ME3: variants seen among roughly 807,000 people sequenced by gnomAD.
ME3 encodes the protein malic enzyme 3.
A neutral mutation model predicts 68.9 loss-of-function variants in ME3; 48 were observed. The ratio of observed to expected loss-of-function variants is 0.70; its 90% CI spans 0.55 to 0.89. The LOEUF is 0.89. ME3 is among the 40% of genes least tolerant of loss of function. The pLI is 0.00. For synonymous variants in ME3, 320 were observed against 318.8 expected (o/e 1.00, Z -0.04); for missense variants, 675 against 797.4 (o/e 0.85, Z 1.85).
chr11:86,446,886 TG>T, intron 12 of ME3, 178 bp downstream of exon 12: 2 of 827,530 alleles, frequency 2.4e-6, no homozygotes, highest in African/African-American at 1.7e-5. Flanking sequence ...GAGTCAGACC[TG>T]GGTTTGACAG....
intron 2 of ME3, among the ~76,000 whole-genome samples, chr11:86,616,466 C>G (rs1001725314): frequency 6.6e-6 from 1 of 152,100 alleles, no homozygotes; most frequent in African/African-American, 2.4e-5. Context: ...CTTAAATGAA[C>G]TATTTTTTTT....
chr11:86,609,559 G>A (rs1174130196), intron 2 of ME3, among the ~76,000 whole-genome samples: 3 of 152,226 alleles, frequency 2.0e-5, no homozygotes. Context: ...TGAATCATAA[G>A]TGTGCATATA....
intron 2 of ME3, among the ~76,000 whole-genome samples, chr11:86,622,240 A>G (rs910895002): frequency 3.9e-5 from 6 of 152,164 alleles, no homozygotes; most frequent in Non-Finnish European, 8.8e-5. Context: ...AGTCACATGG[A>G]TAGGTTGTGC....
At chr11:86,581,126 A>C (rs1958419970) in intron 2 of ME3, among the ~76,000 whole-genome samples, 1 of 152,230 alleles carries the variant, frequency 6.6e-6, no homozygotes, top group African/African-American at 2.4e-5. Context: ...GGAGAAACCA[A>C]CATCTAAAAA....
At chr11:86,509,562 A>T (rs1355040980) in intron 4 of ME3, among the ~76,000 whole-genome samples, 2 of 152,224 alleles carry the variant, frequency 1.3e-5, no homozygotes, top group South Asian at 2.1e-4. Context: ...TCCAATCTGC[A>T]GGCAACTTGG....
At chr11:86,478,678 A>G (rs945377426) in intron 7 of ME3, among the ~76,000 whole-genome samples, 2 of 152,232 alleles carry the variant, frequency 1.3e-5, no homozygotes, top group Admixed American at 6.5e-5. Context: ...TTTTTGCAGA[A>G]TAATTCTTTA....
At chr11:86,506,651 G>A (rs1028830634) in intron 5 of ME3, among the ~76,000 whole-genome samples, 1 of 152,138 alleles carries the variant, frequency 6.6e-6, no homozygotes, top group African/African-American at 2.4e-5. Context: ...AGAACCTCCT[G>A]GCACAGTATC....
At chr11:86,448,351 G>T in intron 10 of ME3, 96 bp from the exon 11 acceptor site, 1 of 897,352 alleles carries the variant, frequency 1.1e-6, no homozygotes, top group Admixed American at 2.1e-5. Context: ...TTCCTGCTGA[G>T]CCCCATGCTT....
Position 86,652,776 on chromosome 11 carries a change from T to G in ME3, c.183+18986A>C, listed in dbSNP as rs141984015. On this transcript the variant is annotated intron_variant, in intron 2 of 14. Transcript: ENST00000543262. ...CCTTAAATGTAAATGGGCTAAATGC[T>G]CCAATTGAAAGACACAGACTGGCAA... Among the ~76,000 whole-genome samples the G allele has an allele frequency of 1.0e-3, 156 of 152,070 alleles. 3 individuals are homozygous for G. In the East Asian group the frequency reaches 0.025, roughly 24 times the overall value.
intron 2 of ME3, among the ~76,000 whole-genome samples, chr11:86,609,300 G>A (rs1942388133): frequency 6.6e-6 from 1 of 152,146 alleles, no homozygotes. Flanking sequence ...TACAGTGCCT[G>A]GTCCATCATG....
At chr11:86,626,209 C>T (rs375189265) in intron 2 of ME3, among the ~76,000 whole-genome samples, 237 of 152,262 alleles carry the variant, frequency 1.6e-3, no homozygotes, top group African/African-American at 5.3e-3. Context: ...TGCAAACTGC[C>T]TTTATGCTTG....
chr11:86,527,264 A>G (rs1044379775), intron 4 of ME3, among the ~76,000 whole-genome samples: 2 of 152,228 alleles, frequency 1.3e-5, no homozygotes, highest in African/African-American at 2.4e-5. Flanking sequence ...AAAGGGTATC[A>G]GTGATGGAAG....
chr11:86,462,452 G>A, intron 8 of ME3: 1 of 580,974 alleles, frequency 1.7e-6, no homozygotes. Flanking sequence ...TTTTGACTGT[G>A]TGGGGCATTG....
At chr11:86,530,584 C>G (rs1399366079) in intron 4 of ME3, among the ~76,000 whole-genome samples, 11 of 152,196 alleles carry the variant, frequency 7.2e-5, no homozygotes, top group Non-Finnish European at 1.2e-4. Flanking sequence ...CATCACGCTA[C>G]CTGACTTCAA....
intron 2 of ME3, among the ~76,000 whole-genome samples, chr11:86,657,441 G>A (rs574744872): frequency 9.3e-5 from 14 of 149,902 alleles, no homozygotes; most frequent in Non-Finnish European, 1.9e-4. Flanking sequence ...ACACAAGGAG[G>A]GGAACATCAT....
chr11:86,640,752 C>A (rs1944617021), intron 2 of ME3, among the ~76,000 whole-genome samples: 1 of 152,214 alleles, frequency 6.6e-6, no homozygotes, highest in Non-Finnish European at 1.5e-5. Context: ...TTATGCTCTC[C>A]ATGATACAGT....
At position 86,572,441 on chromosome 11, in the gene ME3, C is replaced by T. The variant is rs991366288; in HGVS notation, c.184-12618G>A. Among the ~76,000 whole-genome samples the T allele has an allele frequency of 3.3e-5, 5 of 152,116 alleles. No homozygotes were observed. The East Asian group carries it at 9.6e-4, about 29-fold the overall frequency. ...TAATGCTCTCCCTCCCTTTGCTTTC[C>T]ACTGCCCAACAGGCCCCGATGTATG... On this transcript the variant is annotated intron_variant, in intron 2 of 14. Coordinates refer to ENST00000543262, the Ensembl canonical transcript of ME3.
chr11:86,493,576 C>A (rs1343029560), intron 6 of ME3, among the ~76,000 whole-genome samples: 5 of 152,212 alleles, frequency 3.3e-5, no homozygotes, highest in African/African-American at 1.2e-4. Context: ...CTGTGACTGG[C>A]TGCATGTGGA....
intron 4 of ME3, among the ~76,000 whole-genome samples, chr11:86,513,981 C>A (rs1953717474): frequency 6.6e-6 from 1 of 152,074 alleles, no homozygotes; most frequent in Admixed American, 6.5e-5. Flanking sequence ...GAATTGTAAT[C>A]CCCACGTGTG....
Sources: allele counts gnomAD v4.1 joint callset (sites outside exome capture counted in the v4.1 genomes callset), GRCh38; gene constraint gnomAD v4.1.1; transcripts MANE v1.5; gene names NCBI Gene and HGNC (gene_info 2026-07-23, HGNC 2026-07-21).